MYO16: variants seen among roughly 807,000 people sequenced by gnomAD.
MYO16 encodes unconventional myosin-XVI.
In MYO16, 94 loss-of-function variants were observed where a neutral mutation model predicts 205.3. The ratio of observed to expected loss-of-function variants is 0.46; its 90% CI spans 0.39 to 0.54. The LOEUF (loss-of-function observed/expected upper bound fraction) is 0.54. MYO16 is among the 20% of genes least tolerant of loss of function. MYO16 has a pLI of 0.00. For missense variants in MYO16, 2,315 were observed against 2,387.5 expected (o/e 0.97, Z 0.63); for synonymous variants, 988 against 954.0 (o/e 1.04, Z -0.66).
chr13:109,184,639 C>T (rs1308649997), intron 34 of MYO16, among the ~76,000 whole-genome samples: 1 of 152,162 alleles, frequency 6.6e-6, no homozygotes, highest in Non-Finnish European at 1.5e-5. Flanking sequence ...CCCTCTGTCC[C>T]AGGCTGGAGT....
Position 108,967,262 on chromosome 13 carries a change from A to G in MYO16, c.2369+2360A>G, listed in dbSNP as rs147717584. Among the ~76,000 whole-genome samples the G allele has an allele frequency of 2.7e-3, 404 of 152,242 alleles. 1 individual carries two copies. The highest frequency in any genetic ancestry group is 4.6e-3 in the Non-Finnish European group (316 of 68,010). On this transcript the variant is annotated intron_variant, in intron 20 of 34. Transcript: ENST00000457511. ...AAGTTATAAAGGGAAAATGAGTGAA[A>G]TTGAAGCAGGTGAATGTCTATTTGT...
At chr13:108,659,430 C>T (rs1268487743) in intron 1 of MYO16, 1 of 391,024 alleles carries the variant, frequency 2.6e-6, no homozygotes, top group Middle Eastern at 3.6e-4. Context: ...GAGGTACGCA[C>T]TCGCTGAGCA....
chr13:108,878,580 T>C (rs916276961), intron 12 of MYO16, among the ~76,000 whole-genome samples: 2 of 152,238 alleles, frequency 1.3e-5, no homozygotes, highest in African/African-American at 2.4e-5. Context: ...TACAGAAAGC[T>C]GTCACACTGG....
chr13:108,865,021 G>T (rs372945666), intron 11 of MYO16, among the ~76,000 whole-genome samples: 1 of 151,906 alleles, frequency 6.6e-6, no homozygotes, highest in Non-Finnish European at 1.5e-5. Context: ...GCATTTATTC[G>T]GATTTAGTTT....
chr13:108,998,562 G>A (rs1161244946), intron 21 of MYO16, among the ~76,000 whole-genome samples: 3 of 152,058 alleles, frequency 2.0e-5, no homozygotes, highest in Non-Finnish European at 2.9e-5. Context: ...ATTATATAAT[G>A]AATTACCTGA....
At chr13:108,911,665 G>C (rs552638530) in intron 16 of MYO16, among the ~76,000 whole-genome samples, 1 of 152,334 alleles carries the variant, frequency 6.6e-6, no homozygotes, top group East Asian at 1.9e-4. Flanking sequence ...GAGTATGCAA[G>C]AGAATTGGTT....
intron 32 of MYO16, among the ~76,000 whole-genome samples, chr13:109,143,758 T>A (rs1228627539): frequency 6.6e-6 from 1 of 152,228 alleles, no homozygotes; most frequent in Admixed American, 6.5e-5. Flanking sequence ...CACATCAAAA[T>A]CTCAAGTACA....
the MYO16 span, among the ~76,000 whole-genome samples, chr13:108,533,585 G>A: frequency 1.3e-5 from 2 of 152,314 alleles, no homozygotes; most frequent in South Asian, 4.1e-4. Context: ...ACACATTGAT[G>A]CTGGGAGTGC....
chr13:109,150,384 G>C (rs890236678), intron 32 of MYO16, among the ~76,000 whole-genome samples: 17 of 152,108 alleles, frequency 1.1e-4, no homozygotes, highest in Admixed American at 8.5e-4. Flanking sequence ...TGACTATGCT[G>C]TTCCCGCTAG....
In MYO16 at chr13:109,120,362, C is replaced by T. The variant is rs1426675970; in HGVS notation, c.3439-8C>T. On this transcript the variant is annotated splice_polypyrimidine_tract_variant and splice_region_variant and intron_variant, in intron 28 of 34. Transcript: ENST00000457511. ...CTGTTAAATGTTTCCCTGCTGTTTGCATTTTAGATGGGAGTCCGAAAAGTG... is the reference window on the plus strand; with the variant it reads ...CTGTTAAATGTTTCCCTGCTGTTTGTATTTTAGATGGGAGTCCGAAAAGTG... The T allele has an allele frequency of 1.9e-6, 3 of 1,591,870 alleles. No individual in the cohort carries two copies. The East Asian group carries it at 6.8e-5, about 36-fold the overall frequency.
At chr13:108,893,391 G>A (rs60138632) in intron 14 of MYO16, among the ~76,000 whole-genome samples, 10,599 of 152,202 alleles carry the variant, frequency 0.07, 485 homozygotes, top group Middle Eastern at 0.2. Flanking sequence ...TCTGCTGTAA[G>A]AATTTAACTC....
chr13:109,125,496 C>T lies in MYO16; in HGVS notation c.3782+138C>T, dbSNP rs80282440. 5.8e-3 allele frequency: 6,742 copies of T among 1,166,362 alleles called. 256 individuals carry two copies. In the African/African-American group the frequency reaches 0.092, roughly 16 times the overall value. The allele number at this position is 1,166,362 out of a possible 1,614,324, so 72.3% of individuals were successfully genotyped here. A position where few individuals can be genotyped will look rare whatever the true frequency, so the allele number is the denominator to read the frequency against. ...GAACAGGCATGCGTGGTTTGTTATT[C>T]GAAATGGCAGCAGTCTAAAAAGATG... On this transcript the variant is annotated intron_variant, in intron 30 of 34. Coordinates refer to ENST00000457511, the MANE Select transcript of MYO16 (RefSeq NM_001198950.3). The surrounding 1 kb of genome is among the most constrained non-coding windows in gnomAD (Gnocchi z 4.0).
In MYO16 at chr13:109,109,360, C is replaced by T. The variant is rs925415831; in HGVS notation, c.3438+8473C>T. Among the ~76,000 whole-genome samples, 3 of 152,264 alleles carry T rather than the reference C, an allele frequency of 2.0e-5. 1 individual carries two copies. The highest frequency in any genetic ancestry group is 4.2e-4 in the South Asian group (2 of 4,818). Reference sequence around the variant, plus strand: ...TGTTTAGAGCTAAATGGTTCGGAACCAGTGGGACTTTATGTGTCAAAGTGC... The same window carrying T: ...TGTTTAGAGCTAAATGGTTCGGAACTAGTGGGACTTTATGTGTCAAAGTGC... On this transcript the variant is annotated intron_variant, in intron 28 of 34. Coordinates refer to ENST00000457511, the MANE Select transcript of MYO16 (RefSeq NM_001198950.3).
chr13:109,162,667 A>T lies in MYO16; in HGVS notation c.5165-2234A>T, dbSNP rs1382202360. 6.6e-6 allele frequency among the ~76,000 whole-genome samples: 1 copy of T among 152,182 alleles called. No individual in the cohort carries two copies. Among genetic ancestry groups the T allele is most frequent in the Non-Finnish European group, 1.5e-5 (1 of 68,034 alleles). On this transcript the variant is annotated intron_variant, in intron 32 of 34. Transcript: ENST00000457511. This position sits in a 1 kb window ranked among gnomAD's most constrained non-coding sequence, Gnocchi z 4.6. The stretch of plus-strand genomic sequence containing the variant: ...GGAGAGAAGCTCCCAGGTACCAGGC[A>T]GTGGTATTCATTATGTATCTCCCGC...
At chr13:108,567,776 C>T in the MYO16 span, among the ~76,000 whole-genome samples, 2 of 152,182 alleles carry the variant, frequency 1.3e-5, no homozygotes, top group East Asian at 3.9e-4. Context: ...CAGAGTTGTG[C>T]AACAATCACC....
At chr13:109,050,698 C>T (rs1234570185) in intron 24 of MYO16, among the ~76,000 whole-genome samples, 1 of 152,116 alleles carries the variant, frequency 6.6e-6, no homozygotes, top group Non-Finnish European at 1.5e-5. Flanking sequence ...ATAATTCCCA[C>T]TGCTTTATTA....
At chr13:108,547,987 G>C in the MYO16 span, among the ~76,000 whole-genome samples, 1 of 152,180 alleles carries the variant, frequency 6.6e-6, no homozygotes, top group Non-Finnish European at 1.5e-5. Context: ...CTAGGTTTAA[G>C]AGCCAATGTG....
intron 27 of MYO16, among the ~76,000 whole-genome samples, chr13:109,085,523 A>C (rs1367801803): frequency 6.6e-6 from 1 of 152,154 alleles, no homozygotes; most frequent in African/African-American, 2.4e-5. Flanking sequence ...ACTTGTCTTG[A>C]GGTCTCCTTG....
At chr13:109,020,708 A>G (rs1276816294) in intron 23 of MYO16, among the ~76,000 whole-genome samples, 1 of 152,104 alleles carries the variant, frequency 6.6e-6, no homozygotes, top group Non-Finnish European at 1.5e-5. Flanking sequence ...CCACTTTTGC[A>G]TGTACAGCTC....
Sources: allele counts gnomAD v4.1 joint callset (sites outside exome capture counted in the v4.1 genomes callset), GRCh38; gene constraint gnomAD v4.1.1; non-coding constraint Gnocchi (gnomAD v3.1); transcripts MANE v1.5; gene names NCBI Gene and HGNC (gene_info 2026-07-23, HGNC 2026-07-21).